The following NDST3 variants were observed in gnomAD, a reference collection of about 807,000 sequenced individuals.
The protein encoded by NDST3 is N-deacetylase and N-sulfotransferase 3, also known as bifunctional heparan sulfate N-deacetylase/N-sulfotransferase 3.
In NDST3, 58 loss-of-function variants were observed where a neutral mutation model predicts 96.1. The ratio of observed to expected loss-of-function variants is 0.60; its 90% confidence interval spans 0.49 to 0.75. The LOEUF is 0.75. NDST3 is among the 30% of genes least tolerant of loss of function. The pLI is 0.00. For missense variants in NDST3, 788 were observed against 1,034.2 expected (o/e 0.76, Z 3.27); for synonymous variants, 333 against 359.7 (o/e 0.93, Z 0.84).
intron 1 of NDST3, among the ~76,000 whole-genome samples, chr4:118,036,889 T>C (rs1724184212): frequency 6.6e-6 from 1 of 152,234 alleles, no homozygotes; most frequent in South Asian, 2.1e-4. Context: ...GATTACCTGT[T>C]GCCAAATAAG....
At chr4:118,044,914 G>T (rs959746644) in intron 1 of NDST3, among the ~76,000 whole-genome samples, 1 of 151,998 alleles carries the variant, frequency 6.6e-6, no homozygotes. Context: ...CTATTCATGA[G>T]GGCAGACCCC....
intron 11 of NDST3, 130 bp from the exon 12 acceptor site, chr4:118,241,906 TTCTA>T (rs1288818885): frequency 9.1e-6 from 5 of 550,414 alleles, no homozygotes; most frequent in African/African-American, 1.9e-5. Flanking sequence ...ATGACCTGGA[TTCTA>T]TCTAACACCA....
intron 6 of NDST3, among the ~76,000 whole-genome samples, chr4:118,200,024 C>T (rs1021820534): frequency 1.3e-5 from 2 of 152,182 alleles, no homozygotes; most frequent in Non-Finnish European, 2.9e-5. Flanking sequence ...CTTGCCCAAG[C>T]CCTGCTGTAA....
intron 2 of NDST3, among the ~76,000 whole-genome samples, chr4:118,092,228 T>A (rs1728938928): frequency 6.6e-6 from 1 of 150,886 alleles, no homozygotes; most frequent in African/African-American, 2.4e-5. Context: ...TTTCATTGTT[T>A]TTTTTTTTAG....
intron 6 of NDST3, among the ~76,000 whole-genome samples, chr4:118,154,280 T>C (rs1425738330): frequency 6.6e-6 from 1 of 152,240 alleles, no homozygotes; most frequent in African/African-American, 2.4e-5. Flanking sequence ...ATTATTTGTG[T>C]GTGCATCTTT....
intron 2 of NDST3, among the ~76,000 whole-genome samples, chr4:118,063,186 G>A (rs2389507): frequency 0.77 from 111,615 of 145,196 alleles, 44,698 homozygotes; most frequent in South Asian, 0.93. Flanking sequence ...GTGAAACTCC[G>A]TTTAAAAAAA....
At chr4:118,111,401 T>A (rs960337591) in intron 3 of NDST3, among the ~76,000 whole-genome samples, 2 of 152,112 alleles carry the variant, frequency 1.3e-5, no homozygotes, top group African/African-American at 4.8e-5. Context: ...TTTGACTTCT[T>A]GTTCTTCTCT....
intron 6 of NDST3, among the ~76,000 whole-genome samples, chr4:118,158,395 C>T (rs116276721): frequency 1.1e-3 from 171 of 152,094 alleles, no homozygotes; most frequent in Non-Finnish European, 2.2e-3. Flanking sequence ...GCTAAAAGTG[C>T]TCTTGATATG....
chr4:118,125,713 C>A (rs1263795272), intron 4 of NDST3, among the ~76,000 whole-genome samples: 1 of 151,968 alleles, frequency 6.6e-6, no homozygotes, highest in Admixed American at 6.6e-5. Flanking sequence ...ACTTGTACAA[C>A]CCCTTTATTT....
At chr4:118,064,063 T>C (rs1283429716) in intron 2 of NDST3, among the ~76,000 whole-genome samples, 1 of 152,172 alleles carries the variant, frequency 6.6e-6, no homozygotes, top group Non-Finnish European at 1.5e-5. Flanking sequence ...CTTCTTGAAA[T>C]GTCTTGGGCT....
chr4:118,131,844 G>C (rs1466609410), intron 4 of NDST3, among the ~76,000 whole-genome samples: 1 of 152,092 alleles, frequency 6.6e-6, no homozygotes, highest in Non-Finnish European at 1.5e-5. Context: ...AGAAGATCTA[G>C]AAGAAGGCTC....
At chr4:118,085,450 G>C (rs896537863) in intron 2 of NDST3, among the ~76,000 whole-genome samples, 7 of 152,146 alleles carry the variant, frequency 4.6e-5, no homozygotes, top group Non-Finnish European at 7.3e-5. Flanking sequence ...GTTTGTAATT[G>C]CAAGTATAAT....
chr4:118,132,158 T>C (rs1322823777), intron 4 of NDST3, among the ~76,000 whole-genome samples: 1 of 152,190 alleles, frequency 6.6e-6, no homozygotes, highest in Non-Finnish European at 1.5e-5. Context: ...GAGCGGCAAG[T>C]TCCTCCAGGC....
At chr4:118,169,636 A>C (rs1231692958) in intron 6 of NDST3, among the ~76,000 whole-genome samples, 1 of 152,128 alleles carries the variant, frequency 6.6e-6, no homozygotes, top group South Asian at 2.1e-4. Context: ...TTTACTAAAA[A>C]TAAAAGAATT....
chr4:118,082,936 A>T (rs1192099553), intron 2 of NDST3, among the ~76,000 whole-genome samples: 1 of 152,140 alleles, frequency 6.6e-6, no homozygotes, highest in Non-Finnish European at 1.5e-5. Flanking sequence ...GAGAGAGGTA[A>T]GGGAGAGGTG....
chr4:118,247,639 T>C (rs1177798754), intron 12 of NDST3, among the ~76,000 whole-genome samples: 1 of 152,148 alleles, frequency 6.6e-6, no homozygotes, highest in Non-Finnish European at 1.5e-5. Context: ...TGCAAAAATA[T>C]GGGTTTTGGA....
chr4:118,200,660 T>C (rs989113591), intron 6 of NDST3, among the ~76,000 whole-genome samples: 3 of 152,196 alleles, frequency 2.0e-5, no homozygotes, highest in African/African-American at 7.2e-5. Flanking sequence ...TATTAGTCAT[T>C]TAAGATTTTT....
chr4:118,255,470 C>T lies in NDST3; in HGVS notation c.2503-123C>T. 5.0e-6 allele frequency: 5 copies of T among 1,002,250 alleles called. No homozygotes were observed. The South Asian group carries it at 9.2e-5, about 18-fold the overall frequency. The allele number at this position is 1,002,250 out of a possible 1,614,324, so 62.1% of individuals were successfully genotyped here. A position where few individuals can be genotyped will look rare whatever the true frequency, so the allele number is the denominator to read the frequency against. On this transcript the variant is annotated intron_variant, in intron 13 of 13. Transcript: ENST00000296499. ...CATAGCATGTGCTAAATAAATAGTC[C>T]ATATGCTTAATACAAATTTTAATCC...
At chr4:118,174,489 G>A (rs565847047) in intron 6 of NDST3, among the ~76,000 whole-genome samples, 2 of 152,162 alleles carry the variant, frequency 1.3e-5, no homozygotes, top group African/African-American at 4.8e-5. Flanking sequence ...TTATAATTCT[G>A]TACAGCTGGC....
Sources: allele counts gnomAD v4.1 joint callset (sites outside exome capture counted in the v4.1 genomes callset), GRCh38; gene constraint gnomAD v4.1.1; transcripts MANE v1.5; gene names NCBI Gene and HGNC (gene_info 2026-07-23, HGNC 2026-07-21).